ARL6IP6: variants seen among roughly 807,000 people sequenced by gnomAD.
ARL6IP6 encodes the protein ADP-ribosylation factor-like protein 6-interacting protein 6.
A neutral mutation model predicts 21.5 loss-of-function variants in ARL6IP6; 22 were observed. The ratio of observed to expected loss-of-function variants is 1.02; its 90% CI spans 0.73 to 1.46. ARL6IP6 has a LOEUF of 1.46. Among genes scored for constraint, ARL6IP6 ranks in the 40% most tolerant of loss-of-function variants. The pLI is 0.00. For missense variants in ARL6IP6, 388 were observed against 299.8 expected (o/e 1.29, Z -2.17); for synonymous variants, 164 against 125.3 (o/e 1.31, Z -2.06).
chr2:152,751,318 G>A (rs1701319933), intron 3 of ARL6IP6, among the ~76,000 whole-genome samples: 1 of 152,086 alleles, frequency 6.6e-6, no homozygotes, highest in Non-Finnish European at 1.5e-5. Context: ...ATCCATCACT[G>A]AAAACATTTA....
chr2:152,740,458 TAATA>T (rs1430714018), intron 3 of ARL6IP6, among the ~76,000 whole-genome samples: 2 of 152,130 alleles, frequency 1.3e-5, no homozygotes, highest in Non-Finnish European at 2.9e-5. Flanking sequence ...ATGTACTTAT[TAATA>T]AATCTAAAAA....
rs1701741656 is a variant in ARL6IP6 at position 152,759,687 on chromosome 2, T to C, written c.588-60T>C. ...AAGTATTTTCGATGAAAACTTTTGG[T>C]GTCTTTGTTATACCACGTTACATTT... On this transcript the variant is annotated intron_variant, in intron 3 of 3. Transcript: ENST00000326446. 2.2e-6 allele frequency: 3 copies of C among 1,350,748 alleles called. No homozygotes were observed. In the African/African-American group the frequency reaches 4.3e-5, roughly 19 times the overall value. The allele number at this position is 1,350,748 out of a possible 1,614,324, so 83.7% of individuals were successfully genotyped here.
At chr2:152,736,544 T>C (rs1700559324) in intron 3 of ARL6IP6, among the ~76,000 whole-genome samples, 1 of 152,204 alleles carries the variant, frequency 6.6e-6, no homozygotes. Flanking sequence ...TTTTTAAATG[T>C]CATTAGAATG....
At chr2:152,754,227 G>A (rs893576945) in intron 3 of ARL6IP6, among the ~76,000 whole-genome samples, 2 of 151,900 alleles carry the variant, frequency 1.3e-5, no homozygotes, top group Non-Finnish European at 2.9e-5. Flanking sequence ...ATTTCCTCCT[G>A]CCTCTATCCC....
chr2:152,737,040 C>T (rs934068137), intron 3 of ARL6IP6, among the ~76,000 whole-genome samples: 2 of 152,148 alleles, frequency 1.3e-5, no homozygotes, highest in African/African-American at 4.8e-5. Flanking sequence ...TAAAAGCCTT[C>T]AGTAGCTTTC....
At chr2:152,727,280 G>T (rs1440221318) in intron 2 of ARL6IP6, among the ~76,000 whole-genome samples, 1 of 152,192 alleles carries the variant, frequency 6.6e-6, no homozygotes, top group African/African-American at 2.4e-5. Flanking sequence ...AGCTTATAGA[G>T]TAATGGTATA....
chr2:152,747,510 C>T (rs1215087382), intron 3 of ARL6IP6, among the ~76,000 whole-genome samples: 1 of 152,038 alleles, frequency 6.6e-6, no homozygotes, highest in Admixed American at 6.6e-5. Flanking sequence ...CAATCTACTA[C>T]GTCACAAGAT....
At chr2:152,754,203 G>A (rs1214595362) in intron 3 of ARL6IP6, among the ~76,000 whole-genome samples, 1 of 152,028 alleles carries the variant, frequency 6.6e-6, no homozygotes, top group Non-Finnish European at 1.5e-5. Flanking sequence ...ATACCCATTA[G>A]CAATCACTGC....
intron 3 of ARL6IP6, among the ~76,000 whole-genome samples, chr2:152,753,576 A>G (rs867427349): frequency 3.9e-5 from 6 of 152,090 alleles, no homozygotes; most frequent in Middle Eastern, 3.4e-3. Flanking sequence ...GAAAAATCCT[A>G]TTGAACTACT....
intron 2 of ARL6IP6, among the ~76,000 whole-genome samples, chr2:152,721,872 C>T (rs4233660): frequency 0.63 from 95,179 of 152,134 alleles, 30,323 homozygotes; most frequent in East Asian, 0.72. Flanking sequence ...TTTGTCTGTT[C>T]TTGTCAACAT....
rs894770448 is a variant in ARL6IP6 at position 152,753,536 on chromosome 2, CTGAG to C, written c.588-6209_588-6206del. Among the ~76,000 whole-genome samples, 21 of 151,914 alleles carry C rather than the reference CTGAG, an allele frequency of 1.4e-4. No individual in the cohort carries two copies. In the South Asian group the frequency reaches 1.5e-3, roughly 11 times the overall value. On this transcript the variant is annotated intron_variant, in intron 3 of 3. Transcript: ENST00000326446. ...TTGCACATTTATTGTATCAGTTGAA[CTGAG>C]TATCAAAATGCCAATTTTCTACCAA...
intron 1 of ARL6IP6, chr2:152,719,750 GAAAAAAA>G (rs11328553): frequency 6.4e-5 from 16 of 251,214 alleles, no homozygotes; most frequent in South Asian, 1.7e-4. Flanking sequence ...CCAAGTTACT[GAAAAAAA>G]AAAAAAAAAA....
At chr2:152,718,240 G>A (rs1041198786), upstream of ARL6IP6, 30 of 323,890 alleles carry the variant, frequency 9.3e-5, no homozygotes, top group African/African-American at 6.6e-4. Context: ...CTAGGACCCG[G>A]CGTCGAAAAG....
At chr2:152,719,244 C>T (rs1699563909) in intron 1 of ARL6IP6, among the ~76,000 whole-genome samples, 1 of 152,088 alleles carries the variant, frequency 6.6e-6, no homozygotes, top group Admixed American at 6.6e-5. Flanking sequence ...TAAAAAGGAT[C>T]GTTTGATTAA....
chr2:152,751,745 A>G (rs1701343442), intron 3 of ARL6IP6, among the ~76,000 whole-genome samples: 2 of 152,030 alleles, frequency 1.3e-5, no homozygotes, highest in African/African-American at 4.8e-5. Context: ...TGTTGTGTAT[A>G]TGTACCACAT....
At chr2:152,756,176 A>G (rs1701584705) in intron 3 of ARL6IP6, among the ~76,000 whole-genome samples, 1 of 152,142 alleles carries the variant, frequency 6.6e-6, no homozygotes, top group Non-Finnish European at 1.5e-5. Flanking sequence ...GAAGATTTAT[A>G]CCTATGTTTC....
rs371382217 is a variant in ARL6IP6 at position 152,722,242 on chromosome 2, T to A, written c.454+1656T>A. 2.2e-4 allele frequency among the ~76,000 whole-genome samples: 34 copies of A among 152,354 alleles called. 1 individual carries two copies. The East Asian group carries it at 5.4e-3, about 24-fold the overall frequency. ...TTAGGTATGCATGATAGATACTTAATATTTTTACAGCAAATAGGAAAATCA... is the reference window on the plus strand; with the variant it reads ...TTAGGTATGCATGATAGATACTTAAAATTTTTACAGCAAATAGGAAAATCA... On this transcript the variant is annotated intron_variant, in intron 2 of 3. Coordinates refer to ENST00000326446, the MANE Select transcript of ARL6IP6 (RefSeq NM_152522.7).
Position 152,734,555 on chromosome 2 carries a change from A to G in ARL6IP6, c.455-439A>G, listed in dbSNP as rs114423695. Among the ~76,000 whole-genome samples, 641 of 152,212 alleles carry G rather than the reference A, an allele frequency of 4.2e-3. 7 individuals carry two copies. The highest frequency in any genetic ancestry group is 0.015 in the African/African-American group (618 of 41,528). On this transcript the variant is annotated intron_variant, in intron 2 of 3. Transcript: ENST00000326446. Reference sequence around the variant, plus strand: ...TCCCAGGCTGGAGTGCAGTGGTGCAATCTAGGCACACTGCAACCTCAAACT... The same window carrying G: ...TCCCAGGCTGGAGTGCAGTGGTGCAGTCTAGGCACACTGCAACCTCAAACT...
In ARL6IP6 at chr2:152,761,569, C is replaced by T. The variant is rs973655381; in HGVS notation, c.*1729C>T. ...TATGTACACCCTAGACAGTCATGTGCCATATAACAACGTTTTGGTCACAAC... is the reference window on the plus strand; with the variant it reads ...TATGTACACCCTAGACAGTCATGTGTCATATAACAACGTTTTGGTCACAAC... On this transcript the variant is annotated 3_prime_UTR_variant, in exon 4 of 4. Coordinates refer to ENST00000326446, the MANE Select transcript of ARL6IP6 (RefSeq NM_152522.7). Among the ~76,000 whole-genome samples the T allele has an allele frequency of 2.0e-5, 3 of 152,152 alleles. No homozygotes were observed. Among genetic ancestry groups the T allele is most frequent in the African/African-American group, 2.4e-5 (1 of 41,432 alleles).
Sources: allele counts gnomAD v4.1 joint callset (sites outside exome capture counted in the v4.1 genomes callset), GRCh38; gene constraint gnomAD v4.1.1; transcripts MANE v1.5; gene names NCBI Gene and HGNC (gene_info 2026-07-23, HGNC 2026-07-21).